Variants in KCNH1 observed in about 807,000 individuals in gnomAD.
KCNH1 encodes the protein voltage-gated delayed rectifier potassium channel KCNH1.
KCNH1 carries 27 observed loss-of-function variants against 69.2 expected under a neutral mutation model. The observed-to-expected ratio is 0.39, with a 90% CI of 0.29 to 0.54. KCNH1 has a LOEUF of 0.54. Ranked by LOEUF, KCNH1 falls within the 20% of genes least tolerant of loss-of-function variation. KCNH1 has a pLI of 0.68. For synonymous variants in KCNH1, 456 were observed against 487.7 expected (o/e 0.93, Z 0.86); for missense variants, 798 against 1,261.6 (o/e 0.63, Z 5.57).
At chr1:210,688,014 TATGAGGGGG>T (rs1394669270) in intron 10 of KCNH1, among the ~76,000 whole-genome samples, 1 of 152,162 alleles carries the variant, frequency 6.6e-6, no homozygotes, top group African/African-American at 2.4e-5. Flanking sequence ...TAATAGGTAC[TATGAGGGGG>T]AAAAGTTCCA....
At chr1:210,786,800 T>C (rs1025042275) in intron 9 of KCNH1, among the ~76,000 whole-genome samples, 5 of 152,196 alleles carry the variant, frequency 3.3e-5, no homozygotes, top group Admixed American at 2.6e-4. Context: ...ATCCAAGTCA[T>C]TCCAGGCTTT....
intron 6 of KCNH1, among the ~76,000 whole-genome samples, chr1:210,986,382 T>C (rs959242630): frequency 3.9e-5 from 6 of 152,216 alleles, no homozygotes; most frequent in East Asian, 3.8e-4. Flanking sequence ...CTAGCCTTGA[T>C]GGTCTTTACA....
chr1:210,903,230 A>T (rs1687031542), intron 7 of KCNH1, among the ~76,000 whole-genome samples: 1 of 152,064 alleles, frequency 6.6e-6, no homozygotes, highest in Admixed American at 6.5e-5. Context: ...ACTTAACTAC[A>T]ACCACAGAAT....
At chr1:210,810,361 AC>A (rs1684677512) in intron 7 of KCNH1, among the ~76,000 whole-genome samples, 1 of 152,242 alleles carries the variant, frequency 6.6e-6, no homozygotes, top group Middle Eastern at 3.4e-3. Flanking sequence ...GTAATAATGC[AC>A]CTTTTTGCTA....
At chr1:210,699,151 A>G (rs1681714386) in intron 10 of KCNH1, among the ~76,000 whole-genome samples, 1 of 152,178 alleles carries the variant, frequency 6.6e-6, no homozygotes, top group South Asian at 2.1e-4. Flanking sequence ...GGCTCTGTGG[A>G]GTAGGCATGT....
chr1:210,843,750 G>C (rs1685476439), intron 7 of KCNH1, among the ~76,000 whole-genome samples: 1 of 152,166 alleles, frequency 6.6e-6, no homozygotes, highest in Non-Finnish European at 1.5e-5. Flanking sequence ...TTTGTTATTT[G>C]TAATAACATT....
intron 10 of KCNH1, among the ~76,000 whole-genome samples, chr1:210,750,414 C>A (rs185636183): frequency 2.6e-5 from 4 of 152,020 alleles, no homozygotes; most frequent in Admixed American, 2.6e-4. Context: ...TCAGCTGCAT[C>A]GAAAACATTT....
intron 7 of KCNH1, among the ~76,000 whole-genome samples, chr1:210,862,837 A>C (rs1411493006): frequency 6.6e-6 from 1 of 152,206 alleles, no homozygotes; most frequent in Non-Finnish European, 1.5e-5. Flanking sequence ...ATCTCAGCTT[A>C]AGGAAGCCTT....
At chr1:210,905,600 T>C (rs1687085179) in intron 7 of KCNH1, among the ~76,000 whole-genome samples, 2 of 151,984 alleles carry the variant, frequency 1.3e-5, no homozygotes, top group African/African-American at 4.8e-5. Context: ...ATTGCTCACA[T>C]TGACAGCTTA....
Position 210,682,573 on chromosome 1 carries a change from A to T in KCNH1, c.*708T>A, listed in dbSNP as rs986831119. Reference sequence around the variant, plus strand: ...GCAGGCTATGGGTTGCACCGCAGAGAACCCCTGGATCTTAAGGGCCCCTCT... The same window carrying T: ...GCAGGCTATGGGTTGCACCGCAGAGTACCCCTGGATCTTAAGGGCCCCTCT... On this transcript the variant is annotated 3_prime_UTR_variant, in exon 11 of 11. Transcript: ENST00000271751. 6.6e-6 allele frequency: 1 copy of T among 152,430 alleles called. No individual in the cohort carries two copies. Among genetic ancestry groups the T allele is most frequent in the Non-Finnish European group, 1.5e-5 (1 of 68,280 alleles). The allele number at this position is 152,430 out of a possible 1,614,324, so 9.4% of individuals were successfully genotyped here.
At position 210,804,165 on chromosome 1, in the gene KCNH1, T is replaced by G. The variant is rs1473297436; in HGVS notation, c.1464A>C (p.Ser488=). The G allele has an allele frequency of 4.4e-6, 7 of 1,609,038 alleles. No homozygotes were observed. In the African/African-American group the frequency reaches 8.0e-5, roughly 18 times the overall value. The change falls in exon 8 of 11, where the codon TCA becomes TCC. Residue 488 remains serine, a splice_region_variant and synonymous_variant. Coordinates refer to ENST00000271751, the MANE Select transcript of KCNH1 (RefSeq NM_172362.3). The part of the protein sequence containing the change: ...IFAVAIMMIG[S]LLYATIFGNV... ...TCCCGAAGATGGTGGCATAGAGAAG[T>G]GCTAGAGGTGAGGAGGAGGAGCAAA...
rs1249394213 is a variant in KCNH1 at position 210,851,897 on chromosome 1, G to C, written c.1463-47731C>G. On this transcript the variant is annotated intron_variant, in intron 7 of 10. Coordinates refer to ENST00000271751, the MANE Select transcript of KCNH1 (RefSeq NM_172362.3). The stretch of plus-strand genomic sequence containing the variant: ...GTGAAATGTTATGTGGCACATGACT[G>C]TATTTACTGAGTCCCTGCCTACTAC... 3.3e-5 allele frequency among the ~76,000 whole-genome samples: 5 copies of C among 152,218 alleles called. No individual in the cohort carries two copies. The East Asian group carries it at 9.6e-4, about 29-fold the overall frequency.
rs111374435 is a variant in KCNH1, at chr1:211,038,009, G to C, written c.559-18753C>G. Reference sequence around the variant, plus strand: ...GAGTCTCACACTGTTGCCCAGGCTGGAGTGCAGTGGCGTGATCTCGGCTCA... The same window carrying C: ...GAGTCTCACACTGTTGCCCAGGCTGCAGTGCAGTGGCGTGATCTCGGCTCA... On this transcript the variant is annotated intron_variant, in intron 5 of 10. Transcript: ENST00000271751. 5.8e-3 allele frequency among the ~76,000 whole-genome samples: 853 copies of C among 148,280 alleles called. 6 individuals carry two copies. The highest frequency in any genetic ancestry group is 9.3e-3 in the Non-Finnish European group (627 of 67,488).
At chr1:210,914,110 A>C (rs1199015415) in intron 7 of KCNH1, among the ~76,000 whole-genome samples, 1 of 152,128 alleles carries the variant, frequency 6.6e-6, no homozygotes, top group African/African-American at 2.4e-5. Context: ...ACTTTTAGAA[A>C]ATTTTGTTGA....
At chr1:210,859,036 T>G (rs1345016724) in intron 7 of KCNH1, 9 of 535,850 alleles carry the variant, frequency 1.7e-5, no homozygotes, top group Admixed American at 3.0e-5. Context: ...CTCCTGGGGT[T>G]GTTGTTGTTG....
At chr1:210,926,501 C>T (rs148221213) in intron 6 of KCNH1, among the ~76,000 whole-genome samples, 206 of 152,226 alleles carry the variant, frequency 1.4e-3, no homozygotes, top group African/African-American at 4.7e-3. Context: ...AAGCTCCATT[C>T]CTAGGGGAAG....
chr1:210,710,829 A>T (rs922680521), intron 10 of KCNH1, among the ~76,000 whole-genome samples: 4 of 152,132 alleles, frequency 2.6e-5, no homozygotes, highest in African/African-American at 9.7e-5. Flanking sequence ...ACCCACACCA[A>T]TTTTGAAGGT....
At chr1:210,996,706 C>A (rs1689048249) in intron 6 of KCNH1, among the ~76,000 whole-genome samples, 1 of 152,256 alleles carries the variant, frequency 6.6e-6, no homozygotes, top group African/African-American at 2.4e-5. Flanking sequence ...TCCTTGACCC[C>A]TGAGCAGCCT....
chr1:210,821,768 T>C (rs995211795), intron 7 of KCNH1, among the ~76,000 whole-genome samples: 1 of 152,150 alleles, frequency 6.6e-6, no homozygotes, highest in African/African-American at 2.4e-5. Flanking sequence ...AGTAGGCTTT[T>C]GGACAACCAC....
Sources: allele counts gnomAD v4.1 joint callset (sites outside exome capture counted in the v4.1 genomes callset), GRCh38; gene constraint gnomAD v4.1.1; transcripts MANE v1.5; gene names NCBI Gene and HGNC (gene_info 2026-07-23, HGNC 2026-07-21).